FRMD4B: variants seen among roughly 807,000 people sequenced by gnomAD.
The protein encoded by FRMD4B is FERM domain containing 4B.
Under a neutral mutation model 141.5 loss-of-function variants are expected in FRMD4B, and 74 were observed. That is an observed-to-expected ratio of 0.52 (90% CI 0.43 to 0.63). FRMD4B has a LOEUF of 0.63. Ranked by LOEUF, FRMD4B falls within the 30% of genes least tolerant of loss-of-function variation. The pLI is 0.00. For missense variants in FRMD4B, 1,366 were observed against 1,253.4 expected, an observed-to-expected ratio of 1.09 and a Z score of -1.36; for synonymous variants, 506 against 467.9, an observed-to-expected ratio of 1.08 and a Z score of -1.05.
At chr3:69,228,637 C>T (rs1278917997) in intron 7 of FRMD4B, 1 of 365,166 alleles carries the variant, frequency 2.7e-6, no homozygotes, top group African/African-American at 2.1e-5. Flanking sequence ...GAGTTGGAGA[C>T]CGACCTGGGC....
intron 1 of FRMD4B, among the ~76,000 whole-genome samples, chr3:69,459,455 C>T (rs1323115256): frequency 6.6e-6 from 1 of 152,150 alleles, no homozygotes; most frequent in South Asian, 2.1e-4. Context: ...CACCTTAATC[C>T]TCTCATACAT....
chr3:69,334,703 C>T (rs1702486723), intron 1 of FRMD4B, among the ~76,000 whole-genome samples: 1 of 152,112 alleles, frequency 6.6e-6, no homozygotes, highest in East Asian at 1.9e-4. Context: ...AGTCTGAGCA[C>T]CTGAATCCAA....
chr3:69,303,582 T>C (rs1007154471), intron 3 of FRMD4B, among the ~76,000 whole-genome samples: 1 of 152,184 alleles, frequency 6.6e-6, no homozygotes, highest in Non-Finnish European at 1.5e-5. Context: ...TTATGAAATA[T>C]GAAATATTTT....
At chr3:69,204,420 A>C (rs748108051) in intron 11 of FRMD4B, among the ~76,000 whole-genome samples, 1 of 152,152 alleles carries the variant, frequency 6.6e-6, no homozygotes, top group Non-Finnish European at 1.5e-5. Flanking sequence ...TTTAACTGCA[A>C]ATTCGCCTGG....
In FRMD4B at chr3:69,452,535, A is replaced by C. The variant is rs1302486567; in HGVS notation, c.-128-19774T>G. The stretch of plus-strand genomic sequence containing the variant: ...TTAAAGTTTATTAAGTTCCCAGGGA[A>C]GCCTGGCACAGAGTATGAGTTCAAC... On this transcript the variant is annotated intron_variant, in intron 1 of 5. Transcript: ENST00000459638. Among the ~76,000 whole-genome samples the C allele has an allele frequency of 2.0e-5, 3 of 152,230 alleles. No individual in the cohort carries two copies. In the East Asian group the frequency reaches 5.8e-4, roughly 29 times the overall value.
intron 1 of FRMD4B, among the ~76,000 whole-genome samples, chr3:69,357,924 A>G (rs567189433): frequency 1.6e-4 from 25 of 152,338 alleles, no homozygotes; most frequent in African/African-American, 5.5e-4. Flanking sequence ...TTTCAGTTCA[A>G]ATATTTCTTG....
At chr3:69,490,006 T>A (rs1706276436) in intron 1 of FRMD4B, among the ~76,000 whole-genome samples, 1 of 152,150 alleles carries the variant, frequency 6.6e-6, no homozygotes, top group Non-Finnish European at 1.5e-5. Context: ...ATATATGAAA[T>A]GTCCAGAATA....
At chr3:69,182,210 A>T (rs2092715758) in intron 20 of FRMD4B, among the ~76,000 whole-genome samples, 1 of 152,186 alleles carries the variant, frequency 6.6e-6, no homozygotes, top group Non-Finnish European at 1.5e-5. Flanking sequence ...TTGTAAGATG[A>T]GGATGAAAAC....
At chr3:69,287,392 G>GTT (rs1316091965) in intron 5 of FRMD4B, among the ~76,000 whole-genome samples, 1 of 152,204 alleles carries the variant, frequency 6.6e-6, no homozygotes, top group Non-Finnish European at 1.5e-5. Flanking sequence ...TTGAATTACT[G>GTT]TAAGTGTAGG....
rs950009831 is a variant in FRMD4B at position 69,434,857 on chromosome 3, C to T, written c.-128-2096G>A. On this transcript the variant is annotated intron_variant, in intron 1 of 5. Coordinates refer to the FRMD4B transcript ENST00000459638. ...AAAATACCAAAGACTGCATGGCTTA[C>T]AGAACAAAATGTATGTTCTCACATT... is the stretch of plus-strand genomic sequence containing the variant. Among the ~76,000 whole-genome samples, 7 of 152,180 alleles carry T rather than the reference C, an allele frequency of 4.6e-5. No homozygotes were observed. In the East Asian group the frequency reaches 5.8e-4, roughly 13 times the overall value.
At chr3:69,284,114 T>C (rs1559777686) in intron 5 of FRMD4B, among the ~76,000 whole-genome samples, 2 of 152,028 alleles carry the variant, frequency 1.3e-5, no homozygotes, top group South Asian at 2.1e-4. Flanking sequence ...CTCCAGGCTG[T>C]GGAGGGAGAA....
At chr3:69,331,953 T>C (rs989810399) in intron 1 of FRMD4B, among the ~76,000 whole-genome samples, 3 of 152,032 alleles carry the variant, frequency 2.0e-5, no homozygotes, top group Non-Finnish European at 4.4e-5. Context: ...CCTAGCGCAG[T>C]GGCTGGTGCC....
chr3:69,431,224 A>G (rs1160145229), intron 2 of FRMD4B, among the ~76,000 whole-genome samples: 2 of 152,258 alleles, frequency 1.3e-5, no homozygotes, highest in Non-Finnish European at 2.9e-5. Flanking sequence ...TTGTAACTTA[A>G]GAAAAGTACT....
At chr3:69,205,230 G>C (rs1406269040) in intron 11 of FRMD4B, among the ~76,000 whole-genome samples, 1 of 151,314 alleles carries the variant, frequency 6.6e-6, no homozygotes, top group East Asian at 1.9e-4. Flanking sequence ...ACAGTGGCAT[G>C]ATCACGGCTC....
rs1036405111 is a variant in FRMD4B, at chr3:69,294,262, C to G, written c.417-6426G>C. On this transcript the variant is annotated intron_variant, in intron 4 of 22. Transcript: ENST00000398540. ...TGCAGCCACACGCCTAGGTAGATTT[C>G]TATCAGATCCTCATCCACATTCTGA... Among the ~76,000 whole-genome samples, 3 of 152,198 alleles carry G rather than the reference C, an allele frequency of 2.0e-5. No homozygotes were observed. The South Asian group carries it at 6.2e-4, about 32-fold the overall frequency.
intron 1 of FRMD4B, among the ~76,000 whole-genome samples, chr3:69,343,806 C>T (rs184824467): frequency 4.7e-4 from 71 of 152,132 alleles, no homozygotes; most frequent in African/African-American, 1.5e-3. Context: ...TATCGAACTC[C>T]TGGCCTCAAG....
At chr3:69,497,982 A>T (rs1338229395) in intron 1 of FRMD4B, among the ~76,000 whole-genome samples, 1 of 152,214 alleles carries the variant, frequency 6.6e-6, no homozygotes, top group African/African-American at 2.4e-5. Flanking sequence ...AAGAAATAGC[A>T]TTCTGGGGAG....
chr3:69,237,981 G>T (rs773723436), intron 7 of FRMD4B, among the ~76,000 whole-genome samples: 1 of 152,174 alleles, frequency 6.6e-6, no homozygotes, highest in African/African-American at 2.4e-5. Context: ...ATCGGCCGGC[G>T]TTGGCCTCCT....
rs1553691449 is a variant in FRMD4B at position 69,169,375 on chromosome 3, T to TTTTC, written c.*2485_*2486insGAAA. Reference sequence around the variant, plus strand: ...TTTCTTTTTTTTTTTTTTTTTTTTTTCTTGAGACAAGGTCTGTTATTGCCT... The same window carrying TTTTC: ...TTTCTTTTTTTTTTTTTTTTTTTTTTTTTCCTTGAGACAAGGTCTGTTATTGCCT... On this transcript the variant is annotated 3_prime_UTR_variant, in exon 23 of 23. Coordinates refer to ENST00000398540, the MANE Select transcript of FRMD4B (RefSeq NM_015123.3). Among the ~76,000 whole-genome samples, 1,103 of 124,540 alleles carry TTTTC rather than the reference T, an allele frequency of 8.9e-3. 43 individuals are homozygous for TTTTC. The highest frequency in any genetic ancestry group is 0.031 in the African/African-American group (1,050 of 34,318). The allele number at this position is 124,540 out of a possible 152,430, so 81.7% of individuals were successfully genotyped here. A position where few individuals can be genotyped will look rare whatever the true frequency, so the allele number is the denominator to read the frequency against.
Sources: gnomAD v4.1 joint callset for allele counts (sites outside exome capture counted in the v4.1 genomes callset) on GRCh38, gnomAD v4.1.1 for gene constraint, MANE v1.5 for transcripts, NCBI Gene and HGNC (gene_info 2026-07-23, HGNC 2026-07-21) for gene names.